ZNF136: variants seen among roughly 807,000 people sequenced by gnomAD.
The protein encoded by ZNF136 is zinc finger protein 136 (clone pHZ-20).
In ZNF136, 8 loss-of-function variants were observed where a neutral mutation model predicts 11.4. That is an observed-to-expected ratio of 0.70 (90% CI 0.41 to 1.27). The LOEUF (loss-of-function observed/expected upper bound fraction) is 1.27. ZNF136 is among the 50% of genes most tolerant of loss of function. The pLI is 0.01. For missense variants in ZNF136, 590 were observed against 656.5 expected, an observed-to-expected ratio of 0.90 and a Z score of 1.11; for synonymous variants, 190 against 207.1, an observed-to-expected ratio of 0.92 and a Z score of 0.71.
chr19:12,171,214 C>T (rs932558245), intron 1 of ZNF136, among the ~76,000 whole-genome samples: 2 of 151,184 alleles, frequency 1.3e-5, no homozygotes, highest in African/African-American at 2.4e-5. Context: ...CTCTTGACCT[C>T]GTGATCTGCC....
chr19:12,173,243 G>A (rs536640060), intron 1 of ZNF136, among the ~76,000 whole-genome samples: 4 of 152,148 alleles, frequency 2.6e-5, no homozygotes, highest in Non-Finnish European at 5.9e-5. Context: ...GCTAAGAAGA[G>A]TCAGCAGACA....
At chr19:12,181,432 T>C (rs779272617) in intron 1 of ZNF136, among the ~76,000 whole-genome samples, 17 of 152,152 alleles carry the variant, frequency 1.1e-4, no homozygotes, top group Non-Finnish European at 1.9e-4. Context: ...CACAGTGTTA[T>C]CAACTATTTG....
Position 12,187,625 on chromosome 19 carries a change from G to T in ZNF136, c.1247G>T (p.Gly416Val). 2 of 1,614,108 alleles carry T rather than the reference G, an allele frequency of 1.2e-6. No homozygotes were observed. Reference protein sequence around the residue: ...PFRIHERTHTGEKPYVCKHCG... With the variant: ...PFRIHERTHTVEKPYVCKHCG... ...CGAATACATGAAAGAACTCACACTG[G>T]AGAGAAACCTTATGTATGTAAACAT... The change falls in exon 4 of 4, where the codon GGA becomes GTA. Residue 416 changes from glycine (G) to valine (V), a missense_variant. Physicochemically the swap from Gly to Val is moderately radical, Grantham distance 109. Transcript: ENST00000343979.
chr19:12,185,725 C>T (rs1221323310), intron 1 of ZNF136, 60 bp from the exon 2 acceptor site: 29 of 1,575,810 alleles, frequency 1.8e-5, no homozygotes, highest in Non-Finnish European at 2.3e-5. Context: ...GAATTGAGTA[C>T]AGCTCCCCAG....
chr19:12,186,393 T>TAAA, intron 3 of ZNF136, among the ~76,000 whole-genome samples, 177 bp from the exon 4 acceptor site: 1 of 152,044 alleles, frequency 6.6e-6, no homozygotes, highest in Non-Finnish European at 1.5e-5. Flanking sequence ...AATATCACTG[T>TAAA]TTGAGTGATA....
intron 1 of ZNF136, among the ~76,000 whole-genome samples, chr19:12,181,964 G>T (rs761646692): frequency 5.3e-5 from 8 of 151,996 alleles, no homozygotes; most frequent in Non-Finnish European, 1.0e-4. Flanking sequence ...TAGAGATGGG[G>T]TCTCACCGTG....
chr19:12,171,007 G>GT (rs890481959), intron 1 of ZNF136, among the ~76,000 whole-genome samples: 3 of 151,924 alleles, frequency 2.0e-5, no homozygotes, highest in Non-Finnish European at 2.9e-5. Flanking sequence ...GGCTAATTTT[G>GT]TTTTTTTAAT....
chr19:12,174,939 C>A lies in ZNF136; in HGVS notation c.4-10846C>A, dbSNP rs559521458. 1.1e-4 allele frequency among the ~76,000 whole-genome samples: 17 copies of A among 149,080 alleles called. No individual in the cohort carries two copies. In the South Asian group the frequency reaches 3.2e-3, roughly 28 times the overall value. On this transcript the variant is annotated intron_variant, in intron 1 of 3. Coordinates refer to ENST00000343979, the MANE Select transcript of ZNF136 (RefSeq NM_003437.5). ...ATGGTGTGATCTCAGCTCACTGCAC[C>A]CTCTGCCTCCCGGTTCAAGCTGTTC...
chr19:12,186,441 C>T (rs1014765245), intron 3 of ZNF136, 129 bp from the exon 4 acceptor site: 2 of 873,558 alleles, frequency 2.3e-6, no homozygotes, highest in African/African-American at 3.4e-5. Flanking sequence ...TGAATTCATT[C>T]ATGCTCAAAC....
At chr19:12,182,283 G>GA (rs1914963546) in intron 1 of ZNF136, among the ~76,000 whole-genome samples, 1 of 151,920 alleles carries the variant, frequency 6.6e-6, no homozygotes. Context: ...ACCCTTATCA[G>GA]AATGCCTTTG....
At chr19:12,167,181 T>A (rs1977198108) in intron 1 of ZNF136, among the ~76,000 whole-genome samples, 1 of 152,142 alleles carries the variant, frequency 6.6e-6, no homozygotes, top group African/African-American at 2.4e-5. Context: ...CTGGAGGAAA[T>A]TTACAAGTCA....
chr19:12,172,562 G>T (rs1914684626), intron 1 of ZNF136, among the ~76,000 whole-genome samples: 1 of 152,120 alleles, frequency 6.6e-6, no homozygotes, highest in Non-Finnish European at 1.5e-5. Flanking sequence ...ATCTATTAGT[G>T]GCTAATAAAC....
At chr19:12,182,040 G>C (rs1212050831) in intron 1 of ZNF136, among the ~76,000 whole-genome samples, 1 of 152,118 alleles carries the variant, frequency 6.6e-6, no homozygotes, top group Admixed American at 6.5e-5. Context: ...CCAAAGTGCT[G>C]GAATTACAGG....
In ZNF136 at chr19:12,186,827, G is replaced by A; in HGVS notation, c.449G>A (p.Ser150Asn). 1 of 1,614,152 alleles carries A rather than the reference G, an allele frequency of 6.2e-7. No individual in the cohort carries two copies. Among genetic ancestry groups the A allele is most frequent in the South Asian group, 1.1e-5 (1 of 91,086 alleles). The change falls in exon 4 of 4, where the codon AGT becomes AAT. Residue 150 changes from serine (S) to asparagine (N), a missense_variant. Physicochemically the swap from Ser to Asn is conservative, Grantham distance 46. Coordinates refer to ENST00000343979, the MANE Select transcript of ZNF136 (RefSeq NM_003437.5). ...CGTAACCAGTGTTGGAAACCCTTCA[G>A]TTCTCACCACTCCTTTCGAACACAT... ...DTRNQCWKPF[S>N]SHHSFRTHEI...
At chr19:12,173,791 G>T (rs187871045) in intron 1 of ZNF136, among the ~76,000 whole-genome samples, 1 of 152,126 alleles carries the variant, frequency 6.6e-6, no homozygotes, top group African/African-American at 2.4e-5. Flanking sequence ...GGTCAGTCTC[G>T]TAGGACTGAG....
chr19:12,182,202 G>A (rs1914960208), intron 1 of ZNF136, among the ~76,000 whole-genome samples: 1 of 152,234 alleles, frequency 6.6e-6, no homozygotes, highest in African/African-American at 2.4e-5. Flanking sequence ...TGAGAGGTAA[G>A]CAGAGAATAA....
At chr19:12,182,971 G>A (rs1914981042) in intron 1 of ZNF136, among the ~76,000 whole-genome samples, 2 of 152,128 alleles carry the variant, frequency 1.3e-5, no homozygotes, top group Admixed American at 6.5e-5. Context: ...TACCATTAAA[G>A]CTTGAAAGAT....
intron 1 of ZNF136, among the ~76,000 whole-genome samples, chr19:12,172,394 A>G (rs1280981889): frequency 6.6e-6 from 1 of 152,060 alleles, no homozygotes; most frequent in Non-Finnish European, 1.5e-5. Context: ...ATATTTCTTC[A>G]TTCTGTTGGA....
chr19:12,180,620 T>C (rs749741925), intron 1 of ZNF136, among the ~76,000 whole-genome samples: 1 of 152,212 alleles, frequency 6.6e-6, no homozygotes, highest in Non-Finnish European at 1.5e-5. Context: ...AATGTCACCA[T>C]CGGTCATTTA....
Sources: allele counts gnomAD v4.1 joint callset (sites outside exome capture counted in the v4.1 genomes callset), GRCh38; gene constraint gnomAD v4.1.1; transcripts MANE v1.5; gene names NCBI Gene and HGNC (gene_info 2026-07-23, HGNC 2026-07-21).